Variants in SEPTIN6 observed in about 807,000 individuals in gnomAD.
SEPTIN6 encodes the protein septin-6.
SEPTIN6 carries 8 observed loss-of-function variants against 33.6 expected under a neutral mutation model. The ratio of observed to expected loss-of-function variants is 0.24; its 90% CI spans 0.14 to 0.43. SEPTIN6 has a LOEUF of 0.43. SEPTIN6 is among the 20% of genes least tolerant of loss of function. The pLI is 1.00. For missense variants in SEPTIN6, 250 were observed against 340.8 expected, an observed-to-expected ratio of 0.73 and a Z score of 2.10; for synonymous variants, 131 against 140.0, an observed-to-expected ratio of 0.94 and a Z score of 0.45.
intron 7 of SEPTIN6, among the ~76,000 whole-genome samples, chrX:119,634,884 C>T (rs1166251443): frequency 2.7e-5 from 3 of 109,227 alleles, no homozygotes; most frequent in Non-Finnish European, 5.7e-5. Flanking sequence ...TGGTGGGCGC[C>T]TGTAATCCCA....
chrX:119,650,753 G>A (rs1427621667), intron 4 of SEPTIN6, among the ~76,000 whole-genome samples: 1 of 111,750 alleles, frequency 8.9e-6, no homozygotes, highest in Non-Finnish European at 1.9e-5. Context: ...TTTCTGGCAG[G>A]AGACACTGAA....
chrX:119,618,240 G>A lies in SEPTIN6; in HGVS notation c.*1853C>T. 2 of 793,902 alleles carry A rather than the reference G, an allele frequency of 2.5e-6. No homozygotes were observed. The highest frequency in any genetic ancestry group is 3.0e-6 in the Non-Finnish European group (2 of 667,733). The allele number at this position is 793,902 out of a possible 1,213,427, so 65.4% of individuals were successfully genotyped here. ...ATGGTCTTCAAAAAAATACTCCACT[G>A]TAACTTGAATTTTCCCAAGAAACTG... is the stretch of plus-strand genomic sequence containing the variant. On this transcript the variant is annotated 3_prime_UTR_variant, in exon 11 of 11. Coordinates refer to ENST00000394610, the MANE Select transcript of SEPTIN6 (RefSeq NM_145799.4).
chrX:119,631,109 G>T (rs1047337885), intron 8 of SEPTIN6, among the ~76,000 whole-genome samples: 1 of 110,543 alleles, frequency 9.0e-6, no homozygotes, highest in African/African-American at 3.3e-5. Context: ...GGTCCTGGGG[G>T]TATTTGGCAC....
At chrX:119,631,055 T>G (rs898680288) in intron 8 of SEPTIN6, among the ~76,000 whole-genome samples, 1 of 111,425 alleles carries the variant, frequency 9.0e-6, no homozygotes, top group African/African-American at 3.3e-5. Flanking sequence ...GAGTTTAGGA[T>G]TCTGTAGCAC....
chrX:119,671,567 C>T (rs2054749427), intron 2 of SEPTIN6, among the ~76,000 whole-genome samples: 1 of 109,575 alleles, frequency 9.1e-6, no homozygotes, highest in Admixed American at 9.7e-5. Flanking sequence ...GGATTACAGG[C>T]GTGAGCCACC....
chrX:119,656,092 A>G (rs1048145607), intron 3 of SEPTIN6, among the ~76,000 whole-genome samples: 3 of 112,189 alleles, frequency 2.7e-5, no homozygotes, highest in African/African-American at 9.7e-5. Flanking sequence ...CAATTTTTAA[A>G]TATTTTAGTA....
chrX:119,623,911 C>A, intron 10 of SEPTIN6: 1 of 134,813 alleles, frequency 7.4e-6, no homozygotes, highest in Admixed American at 8.0e-5. Context: ...CCTTTCCATC[C>A]ACTACCTGAG....
chrX:119,648,460 T>C (rs2054302017), intron 5 of SEPTIN6, among the ~76,000 whole-genome samples: 1 of 111,570 alleles, frequency 9.0e-6, no homozygotes, highest in Non-Finnish European at 1.9e-5. Context: ...TGTCTCTTCA[T>C]AACAGAGCCT....
At chrX:119,663,458 A>AACC in intron 3 of SEPTIN6, 24 bp downstream of exon 3, 7 of 730,684 alleles carry the variant, frequency 9.6e-6, no homozygotes, top group Non-Finnish European at 1.2e-5. Flanking sequence ...TCCCCACCCT[A>AACC]CCCCACCCCA....
chrX:119,635,493 A>C (rs908374367), intron 7 of SEPTIN6, among the ~76,000 whole-genome samples: 1 of 111,499 alleles, frequency 9.0e-6, no homozygotes, highest in Non-Finnish European at 1.9e-5. Flanking sequence ...CGAGCCTGCA[A>C]AGGAGGCTGA....
rs375608230 is a variant in SEPTIN6 at position 119,620,842 on chromosome X, G to A, written c.*42-791C>T. ...TCATCATGTTGGCCAGGCTGGTCTC[G>A]AACTCCTGACCTCAAGTGATCCACC... On this transcript the variant is annotated intron_variant, in intron 10 of 10. Transcript: ENST00000394610. Among the ~76,000 whole-genome samples the A allele has an allele frequency of 5.2e-4, 57 of 108,832 alleles. 1 individual carries two copies. The East Asian group carries it at 0.012, about 23-fold the overall frequency. 94.5% of individuals were successfully genotyped at this position (108,832 alleles called of 115,157 possible).
chrX:119,634,934 G>A (rs1170993035), intron 7 of SEPTIN6, among the ~76,000 whole-genome samples: 1 of 107,697 alleles, frequency 9.3e-6, no homozygotes, highest in Non-Finnish European at 1.9e-5. Flanking sequence ...GCTTGAACCC[G>A]GGAAGCCAAG....
Position 119,618,752 on chromosome X carries a change from G to T in SEPTIN6, c.*1341C>A. On this transcript the variant is annotated 3_prime_UTR_variant, in exon 11 of 11. Transcript: ENST00000394610. ...CTAAATGGAGTCCAGTCCAGCTGTAGCGGGGAATACTATTCAGTACACAGC... is the reference window on the plus strand; with the variant it reads ...CTAAATGGAGTCCAGTCCAGCTGTATCGGGGAATACTATTCAGTACACAGC... 1 of 1,208,420 alleles carries T rather than the reference G, an allele frequency of 8.3e-7. No homozygotes were observed. The highest frequency in any genetic ancestry group is 1.1e-6 in the Non-Finnish European group (1 of 893,504).
chrX:119,615,821 A>G, downstream of SEPTIN6: 1 of 159,586 alleles, frequency 6.3e-6, no homozygotes, highest in Non-Finnish European at 1.2e-5. Context: ...CTGGAGAATG[A>G]AAGCCCCAGA....
intron 1 of SEPTIN6, among the ~76,000 whole-genome samples, chrX:119,680,904 C>A (rs898816410): frequency 1.6e-4 from 17 of 107,446 alleles, no homozygotes; most frequent in Non-Finnish European, 3.3e-4. Flanking sequence ...TCACCTGAAC[C>A]CGGGAGGCAG....
At chrX:119,655,189 A>G (rs1447524289) in intron 3 of SEPTIN6, among the ~76,000 whole-genome samples, 2 of 110,761 alleles carry the variant, frequency 1.8e-5, no homozygotes, top group Non-Finnish European at 3.8e-5. Flanking sequence ...AGCTCTCAAG[A>G]TGTACATGGA....
intron 1 of SEPTIN6, chrX:119,686,439 G>T: frequency 3.2e-6 from 1 of 316,009 alleles, no homozygotes; most frequent in Non-Finnish European, 5.4e-6. Context: ...AAGGCCTGCA[G>T]ATCTTTTCCC....
chrX:119,644,850 C>CA (rs1368251609), intron 5 of SEPTIN6, among the ~76,000 whole-genome samples: 14 of 104,460 alleles, frequency 1.3e-4, no homozygotes, highest in African/African-American at 2.5e-4. Context: ...GACTCCATCT[C>CA]AAAAAAAAAG....
At chrX:119,657,916 G>T (rs2054475589) in intron 3 of SEPTIN6, among the ~76,000 whole-genome samples, 1 of 111,756 alleles carries the variant, frequency 8.9e-6, no homozygotes. Flanking sequence ...ATGAGGTCAG[G>T]AAATCAAGAC....
Sources: allele counts gnomAD v4.1 joint callset (sites outside exome capture counted in the v4.1 genomes callset), GRCh38; gene constraint gnomAD v4.1.1; transcripts MANE v1.5; gene names NCBI Gene and HGNC (gene_info 2026-07-23, HGNC 2026-07-21).